Variants in SMG1 observed in about 807,000 individuals in gnomAD.
SMG1 encodes serine/threonine-protein kinase SMG1.
In SMG1, 22 loss-of-function variants were observed where a neutral mutation model predicts 419.9. That is an observed-to-expected ratio of 0.05 (90% CI 0.04 to 0.07). The LOEUF is 0.07. SMG1 is among the 10% of genes least tolerant of loss of function. The pLI is 1.00. For missense variants in SMG1, 3,185 were observed against 4,342.0 expected (o/e 0.73, Z 7.49); for synonymous variants, 1,538 against 1,553.5 (o/e 0.99, Z 0.23).
At chr16:18,895,723 C>A (rs574353431) in intron 3 of SMG1, among the ~76,000 whole-genome samples, 9 of 151,872 alleles carry the variant, frequency 5.9e-5, no homozygotes, top group African/African-American at 1.9e-4. Flanking sequence ...TACCCCCTCT[C>A]TATATATATC....
chr16:18,910,531 A>AT (rs1284452790), intron 1 of SMG1, among the ~76,000 whole-genome samples: 1 of 151,382 alleles, frequency 6.6e-6, no homozygotes, highest in Non-Finnish European at 1.5e-5. Flanking sequence ...TGCCCAGCCA[A>AT]TTTTTTTATT....
At position 18,876,378 on chromosome 16, in the gene SMG1, G is replaced by T. The variant is rs773615144; in HGVS notation, c.1636C>A (p.His546Asn). Residue 546 changes from histidine (H) to asparagine (N), a missense_variant, in exon 13 of 63, where the codon CAT (histidine) becomes AAT (asparagine). Around this residue, in one of 27 missense-constraint regions of SMG1, gnomAD observed 297 missense variants for 491.0 expected, o/e 0.60. Coordinates refer to ENST00000446231, the MANE Select transcript of SMG1 (RefSeq NM_015092.5). ...HKEKEVVAVA[H>N]AVYQAVLSLK... is the part of the protein sequence containing the mutation. ...CTGAGCACTGCTTGATAAACAGCAT[G>T]GGCTACAGCAACAACCTGAAAAACA... The T allele has an allele frequency of 6.2e-7, 1 of 1,608,764 alleles. No homozygotes were observed. The highest frequency in any genetic ancestry group is 8.5e-7 in the Non-Finnish European group (1 of 1,178,056).
At chr16:18,812,647 T>TACACATATAC (rs2031563146) in intron 60 of SMG1, among the ~76,000 whole-genome samples, 1 of 127,658 alleles carries the variant, frequency 7.8e-6, no homozygotes, top group African/African-American at 2.6e-5. Flanking sequence ...TATACACATA[T>TACACATATAC]ACACACACAC....
At chr16:18,820,987 A>C (rs2032478532) in intron 55 of SMG1, among the ~76,000 whole-genome samples, 1 of 152,194 alleles carries the variant, frequency 6.6e-6, no homozygotes, top group African/African-American at 2.4e-5. Flanking sequence ...CAGTCACTAT[A>C]ATAGTTCAGA....
At position 18,847,545 on chromosome 16, in the gene SMG1, T is replaced by C. The variant is rs762868925; in HGVS notation, c.5904A>G (p.Gly1968=). ...VTVLWDELWL[G]VLLQQHMYVL... is the part of the protein sequence containing the mutation. ...CATACATGTGTTGTTGCAGCAAAACTCCCAGCCAGAGCTCATCCCAGAGCA... is the reference window on the plus strand; with the variant it reads ...CATACATGTGTTGTTGCAGCAAAACCCCCAGCCAGAGCTCATCCCAGAGCA... Residue 1968 remains glycine, a synonymous_variant, in exon 38 of 63, where the codon GGA becomes GGG. Transcript: ENST00000446231. 1.9e-6 allele frequency: 3 copies of C among 1,613,868 alleles called. No homozygotes were observed. The highest frequency in any genetic ancestry group is 1.1e-5 in the South Asian group (1 of 91,090).
At position 18,849,983 on chromosome 16, in the gene SMG1, G is replaced by A. The variant is rs755842672; in HGVS notation, c.5427C>T (p.His1809=). 47 of 1,613,820 alleles carry A rather than the reference G, an allele frequency of 2.9e-5. No homozygotes were observed. The highest frequency in any genetic ancestry group is 1.5e-4 in the African/African-American group (11 of 74,916). ...HAGELRQYLE[H]GLETTPTAPW... ...GTGCAGTGGGTGTTGTCTCCAAGCC[G>A]TGCTCCAGATACTGCCGAAGCTCAC... Residue 1809 remains histidine (H), a synonymous_variant, in exon 35 of 63, where the codon CAC becomes CAT. Coordinates refer to ENST00000446231, the MANE Select transcript of SMG1 (RefSeq NM_015092.5).
intron 27 of SMG1, 158 bp downstream of exon 27, chr16:18,859,398 A>G: frequency 2.8e-6 from 2 of 709,592 alleles, no homozygotes; most frequent in Non-Finnish European, 4.6e-6. Context: ...TATGTTGGCA[A>G]GCAGCATTCA....
Position 18,899,563 on chromosome 16 carries a change from A to G in SMG1, c.93-2607T>C, listed in dbSNP as rs1484704014. ...TTTCTATTTTTATACAATCTTGACT[A>G]CTTAGGTTTCAAAAAATGTCAATGT... is the stretch of plus-strand genomic sequence containing the variant. On this transcript the variant is annotated intron_variant, in intron 1 of 62. Transcript: ENST00000446231. Among the ~76,000 whole-genome samples, 5 of 152,188 alleles carry G rather than the reference A, an allele frequency of 3.3e-5. No homozygotes were observed. The South Asian group carries it at 6.2e-4, about 19-fold the overall frequency.
At chr16:18,917,437 C>T (rs1280708742) in intron 1 of SMG1, among the ~76,000 whole-genome samples, 1 of 151,960 alleles carries the variant, frequency 6.6e-6, no homozygotes, top group East Asian at 2.0e-4. Flanking sequence ...GTATGAGCCA[C>T]CATACATACA....
Position 18,885,484 on chromosome 16 carries a change from C to T in SMG1, c.948+57G>A, listed in dbSNP as rs1001242378. ...TTTTCCATCTGTTTCCTCAGATCCTCACACACACAACCATCCCCCTCACCC... is the reference window on the plus strand; with the variant it reads ...TTTTCCATCTGTTTCCTCAGATCCTTACACACACAACCATCCCCCTCACCC... On this transcript the variant is annotated intron_variant, in intron 7 of 62. Transcript: ENST00000446231. 2.5e-5 allele frequency: 40 copies of T among 1,586,456 alleles called. No homozygotes were observed. The African/African-American group carries it at 4.8e-4, about 19-fold the overall frequency.
Position 18,839,702 on chromosome 16 carries a change from G to A in SMG1, c.6941C>T (p.Thr2314Met), listed in dbSNP as rs773814338. The change falls in exon 42 of 63, where the codon ACG (threonine) becomes ATG (methionine). Residue 2314 changes from threonine (T) to methionine (M), a missense_variant. Coordinates refer to ENST00000446231, the MANE Select transcript of SMG1 (RefSeq NM_015092.5). ...CTTPDEWWRVTQSYARSTAVM... is the reference protein window; with the variant it reads ...CTTPDEWWRVMQSYARSTAVM... ...AGTCTAAAACAAAGCACATACCTGC[G>A]TAACTCTCCACCATTCATCAGGTGT... is the stretch of plus-strand genomic sequence containing the variant. 136 of 1,614,002 alleles carry A rather than the reference G, an allele frequency of 8.4e-5. No homozygotes were observed. Among genetic ancestry groups the A allele is most frequent in the Middle Eastern group, 1.6e-4 (1 of 6,062 alleles).
chr16:18,855,292 TC>T (rs781779022), intron 29 of SMG1, among the ~76,000 whole-genome samples: 2 of 152,170 alleles, frequency 1.3e-5, no homozygotes, highest in Non-Finnish European at 2.9e-5. Flanking sequence ...TGCTGAAGAA[TC>T]CTCAGTCTCT....
intron 10 of SMG1, 70 bp downstream of exon 10, chr16:18,882,095 A>G: frequency 9.3e-7 from 1 of 1,078,436 alleles, no homozygotes. Context: ...TTCACCAGGT[A>G]AAGAGAAGCA....
intron 1 of SMG1, among the ~76,000 whole-genome samples, chr16:18,918,118 G>C (rs1314398336): frequency 6.6e-6 from 1 of 151,754 alleles, no homozygotes; most frequent in Non-Finnish European, 1.5e-5. Flanking sequence ...AGATTAGCCG[G>C]GTGTGGTGGT....
At chr16:18,874,903 CT>C (rs373817069) in intron 13 of SMG1, among the ~76,000 whole-genome samples, 2,932 of 94,502 alleles carry the variant, frequency 0.031, 155 homozygotes, top group African/African-American at 0.11. Flanking sequence ...AAAAAAAAGC[CT>C]TTTTTTTTTT....
At chr16:18,909,838 G>A (rs1275879756) in intron 1 of SMG1, among the ~76,000 whole-genome samples, 1 of 152,062 alleles carries the variant, frequency 6.6e-6, no homozygotes, top group Admixed American at 6.5e-5. Context: ...TTAGCCTTAA[G>A]TATAAGACAC....
intron 3 of SMG1, 22 bp from the exon 4 acceptor site, chr16:18,892,376 G>A (rs1324151129): frequency 6.5e-7 from 1 of 1,538,024 alleles, no homozygotes; most frequent in African/African-American, 1.4e-5. Context: ...TAAACATTTT[G>A]TTGTCCATTG....
intron 42 of SMG1, among the ~76,000 whole-genome samples, chr16:18,839,073 C>T (rs890586210): frequency 1.1e-4 from 16 of 152,010 alleles, no homozygotes; most frequent in African/African-American, 2.9e-4. Flanking sequence ...CTCAAACTCC[C>T]GACCTCAGAT....
intron 9 of SMG1, among the ~76,000 whole-genome samples, chr16:18,882,633 G>A (rs1463746235): frequency 6.6e-6 from 1 of 152,186 alleles, no homozygotes; most frequent in Non-Finnish European, 1.5e-5. Context: ...CTAGTTATAT[G>A]TAGGTATAAA....
Sources: gnomAD v4.1 joint callset for allele counts (sites outside exome capture counted in the v4.1 genomes callset) on GRCh38, gnomAD v4.1.1 for gene constraint, gnomAD v4.1.1 regional missense constraint, MANE v1.5 for transcripts, NCBI Gene and HGNC (gene_info 2026-07-23, HGNC 2026-07-21) for gene names.